RBFOX1: variants seen among roughly 807,000 people sequenced by gnomAD.
RBFOX1 encodes the protein RNA binding protein fox-1 homolog 1.
In RBFOX1, 8 loss-of-function variants were observed where a neutral mutation model predicts 57.7. That is an observed-to-expected ratio of 0.14 (90% CI 0.08 to 0.25). The LOEUF (loss-of-function observed/expected upper bound fraction) is 0.25, where lower values mean the gene tolerates loss of function less well. Among genes scored for constraint, RBFOX1 ranks in the 10% least tolerant of loss-of-function variants. RBFOX1 has a pLI of 1.00. For missense variants in RBFOX1, 611 were observed against 548.5 expected (o/e 1.11, Z -1.14); for synonymous variants, 326 against 222.4 (o/e 1.47, Z -4.15).
intron 2 of RBFOX1, among the ~76,000 whole-genome samples, chr16:6,526,569 G>T (rs968433779): frequency 6.6e-6 from 1 of 152,026 alleles, no homozygotes; most frequent in East Asian, 1.9e-4. Flanking sequence ...AGTGGCTCAT[G>T]CCTGTAATCC....
intron 3 of RBFOX1, among the ~76,000 whole-genome samples, chr16:6,935,327 C>G (rs1015275314): frequency 6.6e-6 from 1 of 152,066 alleles, no homozygotes. Flanking sequence ...GATAGTTTCC[C>G]TTCATAAAGT....
At chr16:6,603,199 AC>A (rs1210049633) in intron 2 of RBFOX1, among the ~76,000 whole-genome samples, 1 of 152,136 alleles carries the variant, frequency 6.6e-6, no homozygotes, top group African/African-American at 2.4e-5. Context: ...AACAAGATTG[AC>A]CCAGCTTACT....
At chr16:5,503,532 C>T (rs867547747) in intron 2 of RBFOX1, among the ~76,000 whole-genome samples, 2 of 152,190 alleles carry the variant, frequency 1.3e-5, no homozygotes, top group Non-Finnish European at 2.9e-5. Context: ...TAGCCTCTAC[C>T]TCCTGGGTTC....
At chr16:6,282,722 C>G (rs1040916165) in intron 1 of RBFOX1, among the ~76,000 whole-genome samples, 24 of 152,198 alleles carry the variant, frequency 1.6e-4, no homozygotes, top group African/African-American at 5.8e-4. Context: ...GAACTCATTC[C>G]TTTTTATACT....
chr16:7,328,207 C>T (rs554367189), intron 4 of RBFOX1, among the ~76,000 whole-genome samples: 15 of 152,154 alleles, frequency 9.9e-5, no homozygotes, highest in East Asian at 5.8e-4. Flanking sequence ...AGGTTCTGGG[C>T]GCGGTGGCTC....
chr16:5,544,522 G>C (rs997793633), intron 2 of RBFOX1, among the ~76,000 whole-genome samples: 2 of 151,642 alleles, frequency 1.3e-5, no homozygotes, highest in African/African-American at 2.4e-5. Flanking sequence ...AAAGTAAGCA[G>C]GGAAAAATAA....
intron 3 of RBFOX1, among the ~76,000 whole-genome samples, chr16:6,818,770 C>T (rs1358838104): frequency 3.3e-5 from 5 of 152,122 alleles, no homozygotes; most frequent in Non-Finnish European, 4.4e-5. Flanking sequence ...GGAGTGTGAT[C>T]GAGGCCTGGC....
At chr16:6,231,605 G>T (rs184251119) in intron 1 of RBFOX1, among the ~76,000 whole-genome samples, 210 of 152,348 alleles carry the variant, frequency 1.4e-3, no homozygotes, top group African/African-American at 4.8e-3. Flanking sequence ...GTGATTGCCT[G>T]TTCTGAATGG....
chr16:6,625,992 T>A (rs1315605794), intron 2 of RBFOX1, among the ~76,000 whole-genome samples: 3 of 152,198 alleles, frequency 2.0e-5, no homozygotes, highest in Non-Finnish European at 4.4e-5. Flanking sequence ...TAATCAAAAT[T>A]GATTTATGTG....
intron 10 of RBFOX1, among the ~76,000 whole-genome samples, chr16:7,611,622 G>A (rs2057485584): frequency 1.3e-5 from 2 of 151,156 alleles, no homozygotes; most frequent in Non-Finnish European, 2.9e-5. Context: ...TGTATGTAAT[G>A]TTTTGACTCC....
chr16:5,442,152 C>T (rs892419891), intron 1 of RBFOX1, among the ~76,000 whole-genome samples: 1 of 152,156 alleles, frequency 6.6e-6, no homozygotes, highest in Non-Finnish European at 1.5e-5. Context: ...AAGAAAACTT[C>T]CTAGAAGAGG....
intron 2 of RBFOX1, among the ~76,000 whole-genome samples, chr16:6,479,560 C>T (rs1192376986): frequency 6.6e-6 from 1 of 151,522 alleles, no homozygotes; most frequent in Non-Finnish European, 1.5e-5. Context: ...TGTACTCTAC[C>T]CTGGGTGATA....
intron 1 of RBFOX1, among the ~76,000 whole-genome samples, chr16:5,387,507 G>C (rs981919884): frequency 6.6e-6 from 1 of 152,136 alleles, no homozygotes; most frequent in African/African-American, 2.4e-5. Context: ...ATCTGAGTTT[G>C]AGATAGTAGA....
chr16:5,273,824 C>T (rs1196771417), intron 1 of RBFOX1, among the ~76,000 whole-genome samples: 1 of 152,120 alleles, frequency 6.6e-6, no homozygotes, highest in Non-Finnish European at 1.5e-5. Context: ...GATGTAGTTC[C>T]TACCTGGCTT....
chr16:5,615,521 A>G (rs958011235), intron 3 of RBFOX1, among the ~76,000 whole-genome samples: 1 of 152,224 alleles, frequency 6.6e-6, no homozygotes, highest in Non-Finnish European at 1.5e-5. Flanking sequence ...CAGGAGGGAC[A>G]TTGGAGTGGT....
chr16:5,475,489 A>G (rs7192840), intron 2 of RBFOX1, among the ~76,000 whole-genome samples: 59,862 of 152,066 alleles, frequency 0.39, 12,202 homozygotes, highest in East Asian at 0.55. Context: ...CCTTCTTCCA[A>G]CCTCTTCCCA....
chr16:6,744,856 A>T (rs2073192553), intron 3 of RBFOX1, among the ~76,000 whole-genome samples: 1 of 152,230 alleles, frequency 6.6e-6, no homozygotes, highest in East Asian at 1.9e-4. Flanking sequence ...TCAATAAAAC[A>T]GGTAGTAGGC....
chr16:6,914,050 C>G (rs79284529), intron 3 of RBFOX1, among the ~76,000 whole-genome samples: 3 of 152,298 alleles, frequency 2.0e-5, no homozygotes, highest in East Asian at 3.9e-4. Context: ...GTGTTGCATT[C>G]TGGGTTAGAA....
rs895929939 is a variant in RBFOX1, at chr16:5,946,539, C to G, written c.351+79204C>G. Among the ~76,000 whole-genome samples, 3 of 145,448 alleles carry G rather than the reference C, an allele frequency of 2.1e-5. No homozygotes were observed. In the Admixed American group the frequency reaches 2.1e-4, roughly 10 times the overall value. Reference sequence around the variant, plus strand: ...GGAAGTTCTACGCCCTTCCCCGTATCTCACTCTATGCATATTTTTTTCCAA... The same window carrying G: ...GGAAGTTCTACGCCCTTCCCCGTATGTCACTCTATGCATATTTTTTTCCAA... On this transcript the variant is annotated intron_variant, in intron 4 of 19. Coordinates refer to the RBFOX1 transcript ENST00000641259. This position sits in a 1 kb window ranked among gnomAD's most constrained non-coding sequence, Gnocchi z 4.6.
Sources: gnomAD v4.1 joint callset for allele counts (sites outside exome capture counted in the v4.1 genomes callset) on GRCh38, gnomAD v4.1.1 for gene constraint, Gnocchi (gnomAD v3.1) non-coding constraint, MANE v1.5 for transcripts, NCBI Gene and HGNC (gene_info 2026-07-23, HGNC 2026-07-21) for gene names.